ZDHHC14: variants seen among roughly 807,000 people sequenced by gnomAD.
The protein encoded by ZDHHC14 is zDHHC palmitoyltransferase 14.
A neutral mutation model predicts 47.7 loss-of-function variants in ZDHHC14; 16 were observed. The observed-to-expected ratio is 0.34, with a 90% CI of 0.23 to 0.51. The LOEUF (loss-of-function observed/expected upper bound fraction) is 0.51, where lower values mean the gene tolerates loss of function less well. ZDHHC14 is among the 20% of genes least tolerant of loss of function. The probability of loss-of-function intolerance (pLI) is 0.97; values close to 1 mark genes in which losing one functional copy is unlikely to be tolerated. For missense variants in ZDHHC14, 515 were observed against 662.5 expected, an observed-to-expected ratio of 0.78 and a Z score of 2.44; for synonymous variants, 293 against 278.9, an observed-to-expected ratio of 1.05 and a Z score of -0.50.
intron 1 of ZDHHC14, among the ~76,000 whole-genome samples, chr6:157,483,168 A>G (rs1223406327): frequency 2.0e-5 from 3 of 152,194 alleles, no homozygotes; most frequent in Non-Finnish European, 4.4e-5. Flanking sequence ...CAGCATTTTG[A>G]TGTGATTCTC....
chr6:157,671,737 G>A (rs1480662842), intron 8 of ZDHHC14, among the ~76,000 whole-genome samples: 1 of 152,188 alleles, frequency 6.6e-6, no homozygotes, highest in East Asian at 1.9e-4. Context: ...TCAAACGTGG[G>A]CATTCTCAGA....
chr6:157,483,355 C>T (rs190531140), intron 1 of ZDHHC14, among the ~76,000 whole-genome samples: 4 of 152,264 alleles, frequency 2.6e-5, no homozygotes, highest in Non-Finnish European at 4.4e-5. Flanking sequence ...CCTTACAAAA[C>T]GGCAGCGTTG....
intron 1 of ZDHHC14, among the ~76,000 whole-genome samples, chr6:157,539,014 G>A (rs768283688): frequency 3.9e-5 from 6 of 152,144 alleles, no homozygotes; most frequent in East Asian, 1.9e-4. Flanking sequence ...TGGTAGGAAC[G>A]GCGGAAGCAT....
rs1171830481 is a variant in ZDHHC14, at chr6:157,677,133, T to A, written c.*4011T>A. The A allele has an allele frequency of 6.6e-6, 1 of 151,986 alleles. No individual in the cohort carries two copies. The highest frequency in any genetic ancestry group is 2.4e-5 in the African/African-American group (1 of 41,368). The allele number at this position is 151,986 out of a possible 1,614,324, so 9.4% of individuals were successfully genotyped here. A position where few individuals can be genotyped will look rare whatever the true frequency, so the allele number is the denominator to read the frequency against. ...GCTGTGGGAGTCTAGCATATTCTTG[T>A]CCAAAAGAGAGAGACTTTCAAATGA... is the stretch of plus-strand genomic sequence containing the variant. On this transcript the variant is annotated 3_prime_UTR_variant, in exon 9 of 9. Coordinates refer to ENST00000359775, the MANE Select transcript of ZDHHC14 (RefSeq NM_024630.3).
intron 8 of ZDHHC14, among the ~76,000 whole-genome samples, chr6:157,660,359 A>G (rs1223174243): frequency 6.6e-6 from 1 of 151,814 alleles, no homozygotes; most frequent in Admixed American, 6.6e-5. Flanking sequence ...CGTCAGGCTA[A>G]TTTTTGTATT....
intron 1 of ZDHHC14, among the ~76,000 whole-genome samples, chr6:157,423,944 G>T (rs559366217): frequency 6.6e-6 from 1 of 152,184 alleles, no homozygotes; most frequent in South Asian, 2.1e-4. Context: ...ATCCATCAGC[G>T]CTTGTGTAGC....
intron 2 of ZDHHC14, among the ~76,000 whole-genome samples, chr6:157,584,422 T>G (rs998475711): frequency 6.6e-6 from 1 of 152,188 alleles, no homozygotes; most frequent in African/African-American, 2.4e-5. Flanking sequence ...CTCTACATCT[T>G]TTATAATTTG....
intron 2 of ZDHHC14, among the ~76,000 whole-genome samples, chr6:157,547,781 G>A (rs1782038177): frequency 6.8e-6 from 1 of 147,524 alleles, no homozygotes; most frequent in African/African-American, 2.6e-5. Flanking sequence ...TCAGTATTAT[G>A]AAAGCTGCCA....
In ZDHHC14 at chr6:157,522,920, C is replaced by CCTTTCTTTCTTTCTTTCTTTCTTT. The variant is rs781533305; in HGVS notation, c.246-19663_246-19640dup. Among the ~76,000 whole-genome samples the CCTTTCTTTCTTTCTTTCTTTCTTT allele has an allele frequency of 3.1e-4, 10 of 32,052 alleles. 1 individual carries two copies. Among genetic ancestry groups the CCTTTCTTTCTTTCTTTCTTTCTTT allele is most frequent in the African/African-American group, 2.8e-3 (9 of 3,192 alleles). The allele number at this position is 32,052 out of a possible 152,430, so 21.0% of individuals were successfully genotyped here. The stretch of plus-strand genomic sequence containing the variant: ...TCCTTCCTTCCTTCCTTCCTTCCTT[C>CCTTTCTTTCTTTCTTTCTTTCTTT]CTTTCTTTCTTTCTTTCTTTCTTTC... On this transcript the variant is annotated intron_variant, in intron 1 of 8. Coordinates refer to ENST00000359775, the MANE Select transcript of ZDHHC14 (RefSeq NM_024630.3).
chr6:157,439,426 C>G (rs1778515886), intron 1 of ZDHHC14, among the ~76,000 whole-genome samples: 2 of 152,176 alleles, frequency 1.3e-5, no homozygotes, highest in Non-Finnish European at 2.9e-5. Context: ...CATCACTGAT[C>G]ATTAGAGAAA....
intron 2 of ZDHHC14, among the ~76,000 whole-genome samples, chr6:157,555,494 T>C (rs1782421029): frequency 6.6e-6 from 1 of 152,214 alleles, no homozygotes. Flanking sequence ...ATCCCAGACA[T>C]GTAATGAAAA....
intron 2 of ZDHHC14, among the ~76,000 whole-genome samples, chr6:157,572,021 G>A (rs1272337770): frequency 1.3e-5 from 2 of 152,056 alleles, no homozygotes; most frequent in African/African-American, 2.4e-5. Context: ...GCTCAGCAGG[G>A]TCGGGGCTGG....
intron 8 of ZDHHC14, among the ~76,000 whole-genome samples, chr6:157,667,573 A>G (rs1416984527): frequency 2.0e-5 from 3 of 152,062 alleles, no homozygotes; most frequent in African/African-American, 4.8e-5. Context: ...GTTAAGTAGA[A>G]AAGTCAACAA....
At chr6:157,452,690 A>ATT (rs747862336) in intron 1 of ZDHHC14, among the ~76,000 whole-genome samples, 2,655 of 72,978 alleles carry the variant, frequency 0.036, 352 homozygotes, top group Non-Finnish European at 0.05. Flanking sequence ...ATACATGGGG[A>ATT]TTTTTTTTTT....
At chr6:157,644,772 C>T (rs755738911) in intron 5 of ZDHHC14, among the ~76,000 whole-genome samples, 4 of 152,168 alleles carry the variant, frequency 2.6e-5, no homozygotes, top group East Asian at 1.9e-4. Context: ...GTATCGATAG[C>T]GGATGCCAGA....
intron 1 of ZDHHC14, among the ~76,000 whole-genome samples, chr6:157,447,283 G>A (rs1008085115): frequency 3.3e-5 from 5 of 152,256 alleles, no homozygotes; most frequent in African/African-American, 9.6e-5. Context: ...AGGCCCTTCA[G>A]TTGCTGTGTC....
intron 1 of ZDHHC14, among the ~76,000 whole-genome samples, chr6:157,397,225 C>A (rs556762181): frequency 6.6e-6 from 1 of 152,316 alleles, no homozygotes; most frequent in South Asian, 2.1e-4. Flanking sequence ...GAGTTGTTCT[C>A]CTTACTTCCC....
chr6:157,447,420 C>A (rs980059256), intron 1 of ZDHHC14, among the ~76,000 whole-genome samples: 1 of 152,208 alleles, frequency 6.6e-6, no homozygotes, highest in African/African-American at 2.4e-5. Flanking sequence ...GGAGGCTGCA[C>A]AGGCTCTTCC....
chr6:157,456,997 T>TAATAAATAAATA (rs557075276), intron 1 of ZDHHC14, among the ~76,000 whole-genome samples: 8,756 of 146,932 alleles, frequency 0.06, 548 homozygotes, highest in African/African-American at 0.16. Context: ...AAAAATACAA[T>TAATAAATAAATA]AATAAATAAA....
Sources: allele counts gnomAD v4.1 joint callset (sites outside exome capture counted in the v4.1 genomes callset), GRCh38; gene constraint gnomAD v4.1.1; transcripts MANE v1.5; gene names NCBI Gene and HGNC (gene_info 2026-07-23, HGNC 2026-07-21).